The following CECR2 variants were observed in gnomAD, a reference collection of about 807,000 sequenced individuals.
The protein encoded by CECR2 is chromatin remodeling regulator CECR2.
Under a neutral mutation model 154.5 loss-of-function variants are expected in CECR2, and 30 were observed. That is an observed-to-expected ratio of 0.19 (90% CI 0.15 to 0.26). The LOEUF is 0.26. CECR2 is among the 10% of genes least tolerant of loss of function. CECR2 has a pLI of 1.00. For synonymous variants in CECR2, 725 were observed against 683.7 expected, an observed-to-expected ratio of 1.06 and a Z score of -0.94; for missense variants, 1,743 against 1,829.3, an observed-to-expected ratio of 0.95 and a Z score of 0.86.
chr22:17,539,295 C>A (rs539100239), intron 13 of CECR2, 176 bp downstream of exon 13: 7 of 685,590 alleles, frequency 1.0e-5, no homozygotes, highest in Middle Eastern at 4.1e-4. Flanking sequence ...GGGATTCTCT[C>A]CTGCCCCACA....
chr22:17,525,300 AAAAAAAAAAAAAAAAG>A, intron 9 of CECR2, among the ~76,000 whole-genome samples: 1 of 145,294 alleles, frequency 6.9e-6, no homozygotes, highest in Non-Finnish European at 1.5e-5. Flanking sequence ...AAAAAAAAAA[AAAAAAAAAAAAAAAAG>A]AAAGGAAGGG....
intron 11 of CECR2, 35 bp downstream of exon 11, chr22:17,538,592 A>G (rs2147014740): frequency 6.2e-7 from 1 of 1,613,596 alleles, no homozygotes; most frequent in Non-Finnish European, 8.5e-7. Flanking sequence ...TGTTTGTGAT[A>G]GAAGTTTTCC....
intron 1 of CECR2, among the ~76,000 whole-genome samples, chr22:17,431,375 G>A (rs1236538628): frequency 6.6e-6 from 1 of 152,082 alleles, no homozygotes; most frequent in African/African-American, 2.4e-5. Context: ...TATAGTGTCT[G>A]TGCAAAACAT....
intron 7 of CECR2, among the ~76,000 whole-genome samples, chr22:17,510,906 G>A (rs560237965): frequency 1.1e-4 from 17 of 152,144 alleles, no homozygotes; most frequent in East Asian, 3.9e-4. Flanking sequence ...CACCCAGCCC[G>A]AAACAGAAAA....
intron 14 of CECR2, among the ~76,000 whole-genome samples, 193 bp from the exon 15 acceptor site, chr22:17,541,646 G>A (rs190773496): frequency 6.6e-6 from 1 of 152,268 alleles, no homozygotes; most frequent in South Asian, 2.1e-4. Context: ...TCCTGGAGAG[G>A]GAAGTTGCTT....
chr22:17,449,229 T>TA (rs1359524739), intron 1 of CECR2, among the ~76,000 whole-genome samples: 5 of 152,016 alleles, frequency 3.3e-5, no homozygotes, highest in Non-Finnish European at 7.4e-5. Flanking sequence ...CCCAGAGTGG[T>TA]AAAACCTCTG....
chr22:17,387,055 T>G (rs563940764), intron 1 of CECR2, among the ~76,000 whole-genome samples: 14 of 152,360 alleles, frequency 9.2e-5, no homozygotes, highest in African/African-American at 3.1e-4. Context: ...ATGTTTAATG[T>G]TTTGTAGGAC....
At position 17,532,826 on chromosome 22, in the gene CECR2, T is replaced by G. The variant is rs1267836572; in HGVS notation, c.1109-4277T>G. Among the ~76,000 whole-genome samples, 3 of 143,728 alleles carry G rather than the reference T, an allele frequency of 2.1e-5. No individual in the cohort carries two copies. In the East Asian group the frequency reaches 6.9e-4, roughly 33 times the overall value. 94.3% of individuals were successfully genotyped at this position (143,728 alleles called of 152,430 possible). On this transcript the variant is annotated intron_variant, in intron 9 of 18. Coordinates refer to ENST00000262608, the MANE Select transcript of CECR2 (RefSeq NM_001290047.2). The stretch of plus-strand genomic sequence containing the variant: ...TCCGCCTCCCGGGTTCAAATAATTC[T>G]CCTGCCTCAGCCTCCAAAGTAGCTG...
At chr22:17,549,638 A>T in intron 17 of CECR2, 74 bp downstream of exon 17, 10 of 1,304,590 alleles carry the variant, frequency 7.7e-6, no homozygotes, top group South Asian at 1.5e-5. Context: ...TTTGAGACAG[A>T]GTCTCACTTT....
intron 1 of CECR2, among the ~76,000 whole-genome samples, chr22:17,460,753 A>G (rs1489694275): frequency 8.5e-5 from 13 of 152,080 alleles, no homozygotes; most frequent in Non-Finnish European, 1.9e-4. Flanking sequence ...ATTAATAAAC[A>G]CTATCTACAC....
intron 1 of CECR2, among the ~76,000 whole-genome samples, chr22:17,435,290 C>T (rs549775330): frequency 6.6e-6 from 1 of 152,042 alleles, no homozygotes; most frequent in Admixed American, 6.5e-5. Context: ...TACCAGTTTG[C>T]AATTTCTTAT....
At chr22:17,457,097 G>C (rs1480754596) in intron 1 of CECR2, among the ~76,000 whole-genome samples, 3 of 152,216 alleles carry the variant, frequency 2.0e-5, no homozygotes, top group African/African-American at 4.8e-5. Context: ...CACTATCTCT[G>C]TTCATCACAA....
At chr22:17,537,342 C>T in intron 10 of CECR2, 110 bp downstream of exon 10, 1 of 1,302,584 alleles carries the variant, frequency 7.7e-7, no homozygotes, top group South Asian at 1.3e-5. Context: ...GTAACATGGT[C>T]ACCATGTGTG....
intron 1 of CECR2, among the ~76,000 whole-genome samples, chr22:17,473,105 G>A (rs2055154831): frequency 6.6e-6 from 1 of 152,170 alleles, no homozygotes; most frequent in African/African-American, 2.4e-5. Context: ...TTTCCCTAAT[G>A]AGCTGTGATG....
intron 1 of CECR2, among the ~76,000 whole-genome samples, chr22:17,402,091 C>T (rs1377507816): frequency 6.6e-6 from 1 of 152,184 alleles, no homozygotes; most frequent in Non-Finnish European, 1.5e-5. Context: ...TCAAGTGATT[C>T]TCTTGCCTCA....
At chr22:17,528,038 A>T (rs968390501) in intron 9 of CECR2, among the ~76,000 whole-genome samples, 1 of 152,230 alleles carries the variant, frequency 6.6e-6, no homozygotes, top group Non-Finnish European at 1.5e-5. Flanking sequence ...CATAAAATCT[A>T]TTAATCCCAC....
At chr22:17,375,513 A>G (rs1031054147) in intron 1 of CECR2, among the ~76,000 whole-genome samples, 5 of 152,170 alleles carry the variant, frequency 3.3e-5, no homozygotes, top group African/African-American at 4.8e-5. Context: ...TTTTAGTGCA[A>G]TGAGACAGAC....
At chr22:17,437,037 T>C (rs1379724145) in intron 1 of CECR2, among the ~76,000 whole-genome samples, 1 of 152,178 alleles carries the variant, frequency 6.6e-6, no homozygotes, top group Non-Finnish European at 1.5e-5. Context: ...TCCTAGTGAC[T>C]TGGGGAGAAC....
At position 17,532,700 on chromosome 22, in the gene CECR2, C is replaced by CTTTTTTTTTTTTTTTTTTTTTTTTTTTT. The variant is rs695634; in HGVS notation, c.1109-4395_1109-4368dup. ...CCAAGTAGGTATATTCATTATTATT[C>CTTTTTTTTTTTTTTTTTTTTTTTTTTTT]TTTTTTTTTTTTTTTTTTTTTTTTT... On this transcript the variant is annotated intron_variant, in intron 9 of 18. Transcript: ENST00000262608. 2.0e-4 allele frequency among the ~76,000 whole-genome samples: 7 copies of CTTTTTTTTTTTTTTTTTTTTTTTTTTTT among 35,792 alleles called. 2 individuals carry two copies. Among genetic ancestry groups the CTTTTTTTTTTTTTTTTTTTTTTTTTTTT allele is most frequent in the Non-Finnish European group, 2.3e-4 (5 of 21,414 alleles). 23.5% of individuals were successfully genotyped at this position (35,792 alleles called of 152,430 possible).
Sources: allele counts gnomAD v4.1 joint callset (sites outside exome capture counted in the v4.1 genomes callset), GRCh38; gene constraint gnomAD v4.1.1; transcripts MANE v1.5; gene names NCBI Gene and HGNC (gene_info 2026-07-23, HGNC 2026-07-21).